Variants in RNF207 observed in about 807,000 individuals in gnomAD.
RNF207 encodes OTTHUMG00000001089.
Under a neutral mutation model 79.0 loss-of-function variants are expected in RNF207, and 72 were observed. The ratio of observed to expected loss-of-function variants is 0.91; its 90% CI spans 0.75 to 1.11. RNF207 has a LOEUF of 1.11. Among genes scored for constraint, RNF207 ranks in the 50% least tolerant of loss-of-function variants. The pLI, the probability that RNF207 is intolerant of heterozygous loss-of-function variation, is 0.00. For synonymous variants in RNF207, 348 were observed against 366.2 expected, an observed-to-expected ratio of 0.95 and a Z score of 0.57; for missense variants, 936 against 855.8, an observed-to-expected ratio of 1.09 and a Z score of -1.17.
Position 6,209,559 on chromosome 1 carries a change from G to A in RNF207, c.753+20G>A. 1 of 1,443,250 alleles carries A rather than the reference G, an allele frequency of 6.9e-7. No homozygotes were observed. Among genetic ancestry groups the A allele is most frequent in the Non-Finnish European group, 9.0e-7 (1 of 1,107,746 alleles). 89.4% of individuals were successfully genotyped at this position (1,443,250 alleles called of 1,614,324 possible). ...ATGCAGGTGAGGGGTGGGGGTTGGGGGATAAACGACCCAGCCGGGACCTGG... is the reference window on the plus strand; with the variant it reads ...ATGCAGGTGAGGGGTGGGGGTTGGGAGATAAACGACCCAGCCGGGACCTGG... On this transcript the variant is annotated intron_variant, in intron 7 of 17. Transcript: ENST00000377939.
In RNF207 at chr1:6,211,988, C is replaced by T; in HGVS notation, c.1231C>T (p.Leu411=). The change falls in exon 13 of 18, where the codon CTG becomes TTG. Residue 411 remains leucine, a synonymous_variant. Coordinates refer to ENST00000377939, the MANE Select transcript of RNF207 (RefSeq NM_207396.3). This position sits in a 1 kb window ranked among gnomAD's most constrained non-coding sequence, Gnocchi z 4.2. Reference sequence around the variant, plus strand: ...GCACCGGTCCATCAGCACCAAGGTGCTGCTGGCGGAGGGCGAGAACACGCC... The same window carrying T: ...GCACCGGTCCATCAGCACCAAGGTGTTGCTGGCGGAGGGCGAGAACACGCC... The part of the protein sequence containing the change: ...TLHRSISTKV[L]LAEGENTPFA... The T allele has an allele frequency of 6.3e-7, 1 of 1,586,860 alleles. No homozygotes were observed. The highest frequency in any genetic ancestry group is 8.6e-7 in the Non-Finnish European group (1 of 1,167,502).
chr1:6,218,668 G>A (rs933785847), intron 17 of RNF207, among the ~76,000 whole-genome samples: 1 of 152,196 alleles, frequency 6.6e-6, no homozygotes. Flanking sequence ...TATGCTAGGG[G>A]ACTCGGGTCA....
chr1:6,211,889 A>G lies in RNF207; in HGVS notation c.1132A>G (p.Lys378Glu). Residue 378 changes from lysine to glutamate, a missense_variant, in exon 13 of 18, where the codon AAG (lysine) becomes GAG (glutamate). Transcript: ENST00000377939. The surrounding 1 kb of genome is among the most constrained non-coding windows in gnomAD (Gnocchi z 4.2). ...CAGGCTGGCAGGGGGCTTAGGCCCCAAGGCGCTGACGGGGCCCCACTGCCC... is the reference window on the plus strand; with the variant it reads ...CAGGCTGGCAGGGGGCTTAGGCCCCGAGGCGCTGACGGGGCCCCACTGCCC... ...ANTLAGGLGP[K>E]ALTGPHCPSP... The G allele has an allele frequency of 1.3e-6, 2 of 1,549,204 alleles. No homozygotes were observed. Among genetic ancestry groups the G allele is most frequent in the South Asian group, 1.2e-5 (1 of 84,002 alleles).
At position 6,211,740 on chromosome 1, in the gene RNF207, G is replaced by T; in HGVS notation, c.1110-127G>T. On this transcript the variant is annotated intron_variant, in intron 12 of 17. Coordinates refer to ENST00000377939, the MANE Select transcript of RNF207 (RefSeq NM_207396.3). The surrounding 1 kb of genome is among the most constrained non-coding windows in gnomAD (Gnocchi z 4.2). ...CTCAGCCTTTTCAAATCTCCTGGTG[G>T]CTCTGCTGTGCTCCAGGTGGTGGAG... 1.6e-6 allele frequency: 1 copy of T among 636,658 alleles called. No homozygotes were observed. The allele number at this position is 636,658 out of a possible 1,614,324, so 39.4% of individuals were successfully genotyped here.
chr1:6,206,366 C>A (rs1571195269), intron 1 of RNF207, 64 bp downstream of exon 1: 1 of 587,982 alleles, frequency 1.7e-6, no homozygotes, highest in East Asian at 2.9e-5. Context: ...CGGGGAGCTC[C>A]AGGCCCCAGC....
At position 6,208,987 on chromosome 1, in the gene RNF207, C is replaced by T; in HGVS notation, c.431C>T (p.Ala144Val). 6.5e-7 allele frequency: 1 copy of T among 1,538,528 alleles called. No individual in the cohort carries two copies. Among genetic ancestry groups the T allele is most frequent in the Non-Finnish European group, 8.7e-7 (1 of 1,145,882 alleles). The change falls in exon 4 of 18, where the codon GCC becomes GTC. Residue 144 changes from alanine to valine, a missense_variant. Transcript: ENST00000377939. ...ATGTTCGCGCGCCACGACATCGTGG[C>T]CCTGGGTCAGCGAAGCCGCGACGTG... is the stretch of plus-strand genomic sequence containing the variant. The part of the protein sequence containing the change: ...ARMFARHDIV[A>V]LGQRSRDVPQ...
In RNF207 at chr1:6,211,702, G is replaced by A. The variant is rs528461585; in HGVS notation, c.1110-165G>A. Among the ~76,000 whole-genome samples the A allele has an allele frequency of 3.6e-4, 55 of 152,290 alleles. 1 individual carries two copies. The South Asian group carries it at 9.5e-3, about 26-fold the overall frequency. On this transcript the variant is annotated intron_variant, in intron 12 of 17. Transcript: ENST00000377939. This position sits in a 1 kb window ranked among gnomAD's most constrained non-coding sequence, Gnocchi z 4.2. ...TTTAAAAAATAGATGTGGATGTCCG[G>A]GTGAGGCCTTGCCTCAGCCTTTTCA... is the stretch of plus-strand genomic sequence containing the variant.
chr1:6,211,171 G>A lies in RNF207; in HGVS notation c.1109+53G>A. The A allele has an allele frequency of 5.4e-6, 7 of 1,302,806 alleles. No homozygotes were observed. The highest frequency in any genetic ancestry group is 7.4e-6 in the Non-Finnish European group (7 of 945,444). 80.7% of individuals were successfully genotyped at this position (1,302,806 alleles called of 1,614,324 possible). ...CAAGGTCCCCAACACTGGGGTGTGG[G>A]GGAGGGTGGGCGCTGAGGGGCCAGA... On this transcript the variant is annotated intron_variant, in intron 12 of 17. Transcript: ENST00000377939. This position sits in a 1 kb window ranked among gnomAD's most constrained non-coding sequence, Gnocchi z 4.2.
intron 16 of RNF207, 50 bp downstream of exon 16, chr1:6,213,233 C>T (rs760818155): frequency 1.6e-6 from 2 of 1,250,090 alleles, no homozygotes; most frequent in Non-Finnish European, 2.3e-6. Context: ...TCAGAATGTG[C>T]ATGGGGGCTG....
intron 16 of RNF207, among the ~76,000 whole-genome samples, chr1:6,214,630 C>CTTTTTTTTCTTTTTTTTTTTTTTTT (rs1668298601): frequency 2.8e-5 from 2 of 70,628 alleles, no homozygotes; most frequent in South Asian, 9.4e-4. Context: ...ATATTTCTTT[C>CTTTTTTTTCTTTTTTTTTTTTTTTT]TTTTTTTTTT....
intron 16 of RNF207, among the ~76,000 whole-genome samples, chr1:6,215,538 G>T (rs527519852): frequency 6.6e-6 from 1 of 152,144 alleles, no homozygotes; most frequent in South Asian, 2.1e-4. Flanking sequence ...TCTGTACCCC[G>T]TTTCTTTTGA....
At chr1:6,206,460 C>G in intron 1 of RNF207, 76 bp from the exon 2 acceptor site, 2 of 1,188,026 alleles carry the variant, frequency 1.7e-6, no homozygotes, top group Non-Finnish European at 2.3e-6. Flanking sequence ...GGCGCGGGCG[C>G]CCGGGCAGAG....
rs1430815957 is a variant in RNF207 at position 6,220,520 on chromosome 1, GAA to G, written c.*1114_*1115del. 1 of 152,228 alleles carries G rather than the reference GAA, an allele frequency of 6.6e-6. No homozygotes were observed. Among genetic ancestry groups the G allele is most frequent in the Non-Finnish European group, 1.5e-5 (1 of 68,048 alleles). 9.4% of individuals were successfully genotyped at this position (152,228 alleles called of 1,614,324 possible). On this transcript the variant is annotated 3_prime_UTR_variant, in exon 18 of 18. Coordinates refer to ENST00000377939, the MANE Select transcript of RNF207 (RefSeq NM_207396.3). ...ACAGTAATCTGAGCAGTGACTCATG[GAA>G]GGATGAGGAACGTTTGCTCCAGCTT... is the stretch of plus-strand genomic sequence containing the variant.
At chr1:6,218,235 C>T (rs1049681183) in intron 16 of RNF207, 54 bp from the exon 17 acceptor site, 13 of 1,250,512 alleles carry the variant, frequency 1.0e-5, no homozygotes, top group East Asian at 2.3e-5. Context: ...AGCTTAAGGC[C>T]GTGCAGCAGC....
Position 6,206,563 on chromosome 1 carries a change from G to A in RNF207, c.28G>A (p.Glu10Lys). Residue 10 changes from glutamate to lysine, a missense_variant, in exon 2 of 18, where the codon GAG becomes AAG. Physicochemically the swap from Glu to Lys is moderately conservative, Grantham distance 56. Transcript: ENST00000377939. The part of the protein sequence containing the change: MSGAIFGPL[E>K]GPSSLDAPSI... ...GTCGGGAGCTATCTTCGGGCCCCTG[G>A]AGGGCCCGAGCTCCCTGGATGCCCC... 6.3e-7 allele frequency: 1 copy of A among 1,595,154 alleles called. No homozygotes were observed. Among genetic ancestry groups the A allele is most frequent in the South Asian group, 1.1e-5 (1 of 90,366 alleles).
intron 16 of RNF207, among the ~76,000 whole-genome samples, chr1:6,215,328 CCCCT>C (rs1267323572): frequency 6.6e-6 from 1 of 150,824 alleles, no homozygotes; most frequent in Non-Finnish European, 1.5e-5. Flanking sequence ...GCACCCGGCC[CCCCT>C]TTTTTTTTTT....
At chr1:6,215,825 C>T (rs1368961224) in intron 16 of RNF207, among the ~76,000 whole-genome samples, 2 of 152,142 alleles carry the variant, frequency 1.3e-5, no homozygotes, top group African/African-American at 4.8e-5. Flanking sequence ...ACCACGCCCT[C>T]TAAGCTTGTG....
chr1:6,207,514 A>C lies in RNF207; in HGVS notation c.324+3A>C. ...GTGACCTGGAGTGCAGCGAGCAGGC[A>C]GGGGCGGCAGGGCGGGTGGGTGAGG... On this transcript the variant is annotated splice_donor_region_variant and intron_variant, in intron 3 of 17. Transcript: ENST00000377939. The surrounding 1 kb of genome is among the most constrained non-coding windows in gnomAD (Gnocchi z 4.5). 3.0e-6 allele frequency: 4 copies of C among 1,319,620 alleles called. No homozygotes were observed. The highest frequency in any genetic ancestry group is 4.1e-6 in the Non-Finnish European group (4 of 967,458). The allele number at this position is 1,319,620 out of a possible 1,614,324, so 81.7% of individuals were successfully genotyped here.
In RNF207 at chr1:6,206,658, C is replaced by G. The variant is rs778104467; in HGVS notation, c.123C>G (p.Phe41Leu). 1 of 1,607,878 alleles carries G rather than the reference C, an allele frequency of 6.2e-7. No homozygotes were observed. The highest frequency in any genetic ancestry group is 1.1e-5 in the South Asian group (1 of 91,086). ...QYERPCLLDC[F>L]HDFCAGCLRG... ...AGCGCCCGTGTCTTCTGGACTGTTT[C>G]CACGACTTCTGTGCCGGCTGCCTGC... The change falls in exon 2 of 18, where the codon TTC (phenylalanine) becomes TTG (leucine). Residue 41 changes from phenylalanine (F) to leucine (L), a missense_variant. Physicochemically the swap from Phe to Leu is conservative, Grantham distance 22 (BLOSUM62 0). Coordinates refer to ENST00000377939, the MANE Select transcript of RNF207 (RefSeq NM_207396.3).
Sources: allele counts gnomAD v4.1 joint callset (sites outside exome capture counted in the v4.1 genomes callset), GRCh38; gene constraint gnomAD v4.1.1; non-coding constraint Gnocchi (gnomAD v3.1); transcripts MANE v1.5; gene names NCBI Gene and HGNC (gene_info 2026-07-23, HGNC 2026-07-21).